PUSL1: variants seen among roughly 807,000 people sequenced by gnomAD.
The protein encoded by PUSL1 is pseudouridine synthase like 1, also known as tRNA pseudouridine synthase-like 1.
PUSL1 carries 51 observed loss-of-function variants against 30.7 expected under a neutral mutation model. The observed-to-expected ratio is 1.66, with a 90% CI of 1.33 to 2.10. The LOEUF (loss-of-function observed/expected upper bound fraction) is 2.10. Ranked by LOEUF, PUSL1 falls within the 30% of genes most tolerant of loss-of-function variation. The pLI is 0.00. For missense variants in PUSL1, 609 were observed against 427.6 expected, an observed-to-expected ratio of 1.42 and a Z score of -3.74; for synonymous variants, 290 against 192.1, an observed-to-expected ratio of 1.51 and a Z score of -4.21.
At position 1,309,665 on chromosome 1, in the gene PUSL1, A is replaced by T; in HGVS notation, c.474-16A>T. 6.3e-7 allele frequency: 1 copy of T among 1,595,044 alleles called. No homozygotes were observed. Among genetic ancestry groups the T allele is most frequent in the Non-Finnish European group, 8.6e-7 (1 of 1,166,418 alleles). On this transcript the variant is annotated splice_polypyrimidine_tract_variant and intron_variant, in intron 4 of 7. Transcript: ENST00000379031. Reference sequence around the variant, plus strand: ...GGCCGGCCCCACCCTCCTGACGGTCACCCTGGTCCCTGAAGCTGCCTGGAT... The same window carrying T: ...GGCCGGCCCCACCCTCCTGACGGTCTCCCTGGTCCCTGAAGCTGCCTGGAT...
In PUSL1 at chr1:1,308,897, G is replaced by T. The variant is rs767088900; in HGVS notation, c.78-18G>T. ...GGGCAGGGCGCCCCCGGTAACCTCC[G>T]CCCGCTTCTGCCCGCAGCGGGGTCG... On this transcript the variant is annotated intron_variant, in intron 1 of 7. Transcript: ENST00000379031. 4 of 1,406,762 alleles carry T rather than the reference G, an allele frequency of 2.8e-6. No homozygotes were observed. Among genetic ancestry groups the T allele is most frequent in the Non-Finnish European group, 3.7e-6 (4 of 1,082,048 alleles). The allele number at this position is 1,406,762 out of a possible 1,614,324, so 87.1% of individuals were successfully genotyped here.
Position 1,309,985 on chromosome 1 carries a change from G to C in PUSL1, c.644+134G>C, listed in dbSNP as rs1642026377. 2.6e-5 allele frequency: 18 copies of C among 704,538 alleles called. No homozygotes were observed. In the South Asian group the frequency reaches 2.7e-4, roughly 11 times the overall value. 43.6% of individuals were successfully genotyped at this position (704,538 alleles called of 1,614,324 possible). On this transcript the variant is annotated intron_variant, in intron 5 of 7. Coordinates refer to ENST00000379031, the MANE Select transcript of PUSL1 (RefSeq NM_153339.3). Reference sequence around the variant, plus strand: ...GGAGTCCTCAGGACCTGGACAGCTGGAGGGGATTCGCCCGGACGCCCCCCA... The same window carrying C: ...GGAGTCCTCAGGACCTGGACAGCTGCAGGGGATTCGCCCGGACGCCCCCCA...
At chr1:1,308,886 C>CG (rs1641921846) in intron 1 of PUSL1, 29 bp from the exon 2 acceptor site, 1 of 1,412,548 alleles carries the variant, frequency 7.1e-7, no homozygotes, top group Non-Finnish European at 9.2e-7. Context: ...AGGGCGCCCC[C>CG]GGTAACCTCC....
In PUSL1 at chr1:1,311,328, A is replaced by T. The variant is rs1439248849; in HGVS notation, c.863-2A>T. ...CTGACGCAGGGTCTGGTCCGTCCAC[A>T]GGTGCTGCCTCCTGCACCCTGCAGG... On this transcript the variant is annotated splice_acceptor_variant, in intron 7 of 7. Transcript: ENST00000379031. LOFTEE classifies it high-confidence loss of function. The T allele has an allele frequency of 6.4e-7, 1 of 1,571,956 alleles. No homozygotes were observed. Among genetic ancestry groups the T allele is most frequent in the Admixed American group, 1.8e-5 (1 of 57,068 alleles).
In PUSL1 at chr1:1,310,085, C is replaced by G. The variant is rs2100536525; in HGVS notation, c.644+234C>G. ...GCTGCTTGTCTCTGAAAAACCCCTGCCATGCCTGATGGAAGAATGTTGGCA... is the reference window on the plus strand; with the variant it reads ...GCTGCTTGTCTCTGAAAAACCCCTGGCATGCCTGATGGAAGAATGTTGGCA... On this transcript the variant is annotated intron_variant, in intron 5 of 7. Transcript: ENST00000379031. 3 of 525,074 alleles carry G rather than the reference C, an allele frequency of 5.7e-6. No homozygotes were observed. In the East Asian group the frequency reaches 9.5e-5, roughly 17 times the overall value. The allele number at this position is 525,074 out of a possible 1,614,324, so 32.5% of individuals were successfully genotyped here. A position where few individuals can be genotyped will look rare whatever the true frequency, so the allele number is the denominator to read the frequency against.
rs371999745 is a variant in PUSL1 at position 1,311,113 on chromosome 1, T to C, written c.862+42T>C. 33 of 1,564,330 alleles carry C rather than the reference T, an allele frequency of 2.1e-5. No homozygotes were observed. In the African/African-American group the frequency reaches 3.7e-4, roughly 17 times the overall value. ...CGAGAAGCTCCTGTCATGTGCCCAG[T>C]GACTACTGTGGCCGAGGCATGGGGT... On this transcript the variant is annotated intron_variant, in intron 7 of 7. Transcript: ENST00000379031.
rs375712933 is a variant in PUSL1, at chr1:1,310,631, C to T, written c.645-3C>T. 1.8e-5 allele frequency: 28 copies of T among 1,561,856 alleles called. No individual in the cohort carries two copies. The highest frequency in any genetic ancestry group is 2.7e-5 in the African/African-American group (2 of 73,432). ...AGACACCTACAGGTACGTATTTTTC[C>T]AGGAAGCTGCGGTTCTGGAACCTGG... On this transcript the variant is annotated splice_region_variant and splice_polypyrimidine_tract_variant and intron_variant, in intron 5 of 7. Coordinates refer to ENST00000379031, the MANE Select transcript of PUSL1 (RefSeq NM_153339.3).
At chr1:1,310,250 A>G in intron 5 of PUSL1, 1 of 335,890 alleles carries the variant, frequency 3.0e-6, no homozygotes, top group Non-Finnish European at 5.5e-6. Flanking sequence ...GAAGGGGGGA[A>G]GAACTTCTGC....
chr1:1,309,446 C>A lies in PUSL1; in HGVS notation c.324-8C>A. On this transcript the variant is annotated splice_region_variant and splice_polypyrimidine_tract_variant and intron_variant, in intron 3 of 7. Transcript: ENST00000379031. Reference sequence around the variant, plus strand: ...CGTTCCTCCGGTGAGCTTTACCTGCCGCCATAGGGTCCTGCGGGCCTTCCG... The same window carrying A: ...CGTTCCTCCGGTGAGCTTTACCTGCAGCCATAGGGTCCTGCGGGCCTTCCG... The A allele has an allele frequency of 6.3e-7, 1 of 1,590,650 alleles. No individual in the cohort carries two copies. Among genetic ancestry groups the A allele is most frequent in the Non-Finnish European group, 8.6e-7 (1 of 1,168,352 alleles).
chr1:1,308,722 T>G lies in PUSL1; in HGVS notation c.77+2T>G, dbSNP rs1641907944. The G allele has an allele frequency of 3.2e-6, 5 of 1,548,674 alleles. No individual in the cohort carries two copies. Among genetic ancestry groups the G allele is most frequent in the Non-Finnish European group, 4.3e-6 (5 of 1,149,956 alleles). ...CCAGTACGTGGGCACCGACTTTAAG[T>G]AGGTTTCCCAGGCGCAGCGGCGGGC... On this transcript the variant is annotated splice_donor_variant, in intron 1 of 7. Coordinates refer to ENST00000379031, the MANE Select transcript of PUSL1 (RefSeq NM_153339.3). LOFTEE classifies it high-confidence loss of function.
At position 1,308,626 on chromosome 1, in the gene PUSL1, C is replaced by A; in HGVS notation, c.-18C>A. 1 of 1,491,834 alleles carries A rather than the reference C, an allele frequency of 6.7e-7. No homozygotes were observed. Among genetic ancestry groups the A allele is most frequent in the South Asian group, 1.3e-5 (1 of 79,058 alleles). 92.4% of individuals were successfully genotyped at this position (1,491,834 alleles called of 1,614,324 possible). On this transcript the variant is annotated 5_prime_UTR_variant, in exon 1 of 8. Coordinates refer to ENST00000379031, the MANE Select transcript of PUSL1 (RefSeq NM_153339.3). ...CTGCGCTGGAGGCCGCCTCTGACGC[C>A]ACCGGCTGGGCTCCGCCATGAGTTC...
intron 2 of PUSL1, 32 bp downstream of exon 2, chr1:1,309,004 AG>A: frequency 1.4e-6 from 2 of 1,387,622 alleles, no homozygotes; most frequent in Non-Finnish European, 1.9e-6. Flanking sequence ...ACGCCCGGTG[AG>A]GGGTAAGGGG....
intron 2 of PUSL1, 54 bp downstream of exon 2, chr1:1,309,026 C>G: frequency 3.6e-6 from 5 of 1,386,800 alleles, no homozygotes; most frequent in Non-Finnish European, 3.7e-6. Flanking sequence ...GAGGCTCCCG[C>G]CCGCGCGTCC....
chr1:1,310,579 G>A, intron 5 of PUSL1, 55 bp from the exon 6 acceptor site: 1 of 1,356,090 alleles, frequency 7.4e-7, no homozygotes, highest in South Asian at 1.3e-5. Context: ...CCACATAGTA[G>A]GCTGAGGATG....
At position 1,309,545 on chromosome 1, in the gene PUSL1, C is replaced by A. The variant is rs1447340783; in HGVS notation, c.415C>A (p.His139Asn). The change falls in exon 4 of 8, where the codon CAC becomes AAC. Residue 139 changes from histidine to asparagine, a missense_variant. Transcript: ENST00000379031. ...CCTGTACCGCCTGGCCACTGGCTGT[C>A]ACCGGCGTGATGAGCTGCCGGTGTT... is the stretch of plus-strand genomic sequence containing the variant. ...TYLYRLATGC[H>N]RRDELPVFER... 1 of 1,611,158 alleles carries A rather than the reference C, an allele frequency of 6.2e-7. No individual in the cohort carries two copies. Among genetic ancestry groups the A allele is most frequent in the African/African-American group, 1.3e-5 (1 of 74,924 alleles).
At chr1:1,308,881 GC>G in intron 1 of PUSL1, 33 bp from the exon 2 acceptor site, 5 of 1,414,326 alleles carry the variant, frequency 3.5e-6, no homozygotes, top group Non-Finnish European at 4.6e-6. Flanking sequence ...AGGGCAGGGC[GC>G]CCCCGGTAAC....
In PUSL1 at chr1:1,310,423, C is replaced by T. The variant is rs914384421; in HGVS notation, c.645-211C>T. 20 of 577,510 alleles carry T rather than the reference C, an allele frequency of 3.5e-5. No individual in the cohort carries two copies. The Admixed American group carries it at 4.6e-4, about 13-fold the overall frequency. The allele number at this position is 577,510 out of a possible 1,614,324, so 35.8% of individuals were successfully genotyped here. A position where few individuals can be genotyped will look rare whatever the true frequency, so the allele number is the denominator to read the frequency against. On this transcript the variant is annotated intron_variant, in intron 5 of 7. Transcript: ENST00000379031. ...CTGCCCAGCCTCCAGGGTCCTGCTG[C>T]CTCCTTGCCCAAGCATTGTTTCTCT...
At position 1,311,564 on chromosome 1, in the gene PUSL1, C is replaced by T. The variant is rs1642156315; in HGVS notation, c.*185C>T. The stretch of plus-strand genomic sequence containing the variant: ...AGGCGGGATGGGGCACAGTGCAGGA[C>T]ACAGCCATGTACACCAAGAAGAGAG... On this transcript the variant is annotated 3_prime_UTR_variant, in exon 8 of 8. Coordinates refer to ENST00000379031, the MANE Select transcript of PUSL1 (RefSeq NM_153339.3). 1.4e-6 allele frequency: 1 copy of T among 734,934 alleles called. No individual in the cohort carries two copies. 45.5% of individuals were successfully genotyped at this position (734,934 alleles called of 1,614,324 possible).
chr1:1,310,031 C>A, intron 5 of PUSL1, 180 bp downstream of exon 5: 1 of 557,778 alleles, frequency 1.8e-6, no homozygotes, highest in South Asian at 2.4e-5. Flanking sequence ...GTGCCCTCCC[C>A]CCAGGCTGGG....
Sources: gnomAD v4.1 joint callset for allele counts on GRCh38, gnomAD v4.1.1 for gene constraint, MANE v1.5 for transcripts, NCBI Gene and HGNC (gene_info 2026-07-23, HGNC 2026-07-21) for gene names.